Variants in SOHLH2 observed in about 807,000 individuals in gnomAD.
SOHLH2 encodes spermatogenesis and oogenesis specific basic helix-loop-helix 2.
Under a neutral mutation model 50.4 loss-of-function variants are expected in SOHLH2, and 22 were observed. The observed-to-expected ratio is 0.44, with a 90% CI of 0.31 to 0.62. The LOEUF (loss-of-function observed/expected upper bound fraction) is 0.62, where lower values mean the gene tolerates loss of function less well. SOHLH2 is among the 20% of genes least tolerant of loss of function. The probability of loss-of-function intolerance (pLI) is 0.08; values close to 1 mark genes in which losing one functional copy is unlikely to be tolerated. For synonymous variants in SOHLH2, 185 were observed against 187.3 expected (o/e 0.99, Z 0.10); for missense variants, 412 against 504.4 (o/e 0.82, Z 1.76).
At chr13:36,177,931 C>T (rs1389869995) in intron 6 of SOHLH2, among the ~76,000 whole-genome samples, 2 of 151,352 alleles carry the variant, frequency 1.3e-5, no homozygotes, top group African/African-American at 4.8e-5. Context: ...AATTTATTTA[C>T]TCTCTCTCTC....
intron 1 of SOHLH2, among the ~76,000 whole-genome samples, chr13:36,210,755 A>G (rs1869070364): frequency 6.6e-6 from 1 of 152,100 alleles, no homozygotes. Flanking sequence ...CTACCAACCT[A>G]CTTCAAACTT....
intron 6 of SOHLH2, among the ~76,000 whole-genome samples, chr13:36,185,842 C>T (rs1887401843): frequency 6.6e-6 from 1 of 152,062 alleles, no homozygotes; most frequent in Non-Finnish European, 1.5e-5. Flanking sequence ...GGAATTTAGT[C>T]CTATAATAAT....
intron 6 of SOHLH2, among the ~76,000 whole-genome samples, chr13:36,187,062 A>G (rs377236863): frequency 5.7e-4 from 87 of 152,256 alleles, no homozygotes; most frequent in African/African-American, 2.0e-3. Context: ...GCAAATCTCT[A>G]AAGAGAAAGG....
chr13:36,184,865 T>C (rs925045540), intron 6 of SOHLH2, among the ~76,000 whole-genome samples: 1 of 152,190 alleles, frequency 6.6e-6, no homozygotes, highest in African/African-American at 2.4e-5. Context: ...ACCCGTTATC[T>C]AGGTCTTTAA....
chr13:36,210,794 T>C (rs11842135), intron 1 of SOHLH2, among the ~76,000 whole-genome samples: 1,602 of 152,306 alleles, frequency 0.011, 36 homozygotes, highest in African/African-American at 0.037. Context: ...CAATACTCTA[T>C]ATTCCAAGAA....
At position 36,170,394 on chromosome 13, in the gene SOHLH2, T is replaced by C. The variant is rs536404943; in HGVS notation, c.1257+137A>G. The stretch of plus-strand genomic sequence containing the variant: ...GTTGACTGCACCTCCTTTTCACTCA[T>C]CAGGGTAGAGAGACTCAGAATCAAG... On this transcript the variant is annotated intron_variant, in intron 10 of 10. Transcript: ENST00000379881. 2.9e-5 allele frequency: 40 copies of C among 1,400,810 alleles called. No homozygotes were observed. In the East Asian group the frequency reaches 9.3e-4, roughly 33 times the overall value. The allele number at this position is 1,400,810 out of a possible 1,614,324, so 86.8% of individuals were successfully genotyped here.
At chr13:36,198,514 A>T (rs1055029996) in intron 2 of SOHLH2, among the ~76,000 whole-genome samples, 1 of 152,234 alleles carries the variant, frequency 6.6e-6, no homozygotes, top group Admixed American at 6.5e-5. Context: ...CTCAATAAAA[A>T]TATACTCTTT....
At chr13:36,203,954 G>GTTTTTTTTTTTTTTTTTTTTT (rs3080977) in intron 1 of SOHLH2, among the ~76,000 whole-genome samples, 1 of 111,128 alleles carries the variant, frequency 9.0e-6, no homozygotes, top group Non-Finnish European at 1.8e-5. Context: ...CTTTTTTTTT[G>GTTTTTTTTTTTTTTTTTTTTT]TTTTTTTTTT....
At chr13:36,175,601 T>C (rs1031653031) in intron 6 of SOHLH2, among the ~76,000 whole-genome samples, 1 of 152,240 alleles carries the variant, frequency 6.6e-6, no homozygotes, top group Non-Finnish European at 1.5e-5. Context: ...GCACCTGTTT[T>C]GTGCTGAATA....
chr13:36,175,015 C>T, intron 6 of SOHLH2, 146 bp from the exon 7 acceptor site: 3 of 1,243,162 alleles, frequency 2.4e-6, no homozygotes, highest in East Asian at 5.5e-5. Context: ...AGGCTGTGTC[C>T]CCACAAGCCA....
chr13:36,210,872 A>G (rs535487184), intron 1 of SOHLH2, among the ~76,000 whole-genome samples: 25 of 152,268 alleles, frequency 1.6e-4, no homozygotes, highest in African/African-American at 6.0e-4. Context: ...TTGGGGCCCT[A>G]CTAGTGTGTT....
intron 1 of SOHLH2, among the ~76,000 whole-genome samples, chr13:36,206,222 A>C (rs1868753754): frequency 6.6e-6 from 1 of 152,014 alleles, no homozygotes; most frequent in Non-Finnish European, 1.5e-5. Flanking sequence ...CTCATGTGGT[A>C]AGTGTGGATT....
chr13:36,184,561 G>A (rs925167927), intron 6 of SOHLH2, among the ~76,000 whole-genome samples: 3 of 148,496 alleles, frequency 2.0e-5, no homozygotes, highest in Non-Finnish European at 4.4e-5. Context: ...CCGGGTTCAC[G>A]CCATTCTCCT....
chr13:36,212,169 G>C (rs1869167287), intron 1 of SOHLH2, among the ~76,000 whole-genome samples: 1 of 152,150 alleles, frequency 6.6e-6, no homozygotes. Flanking sequence ...AAAGGGATGA[G>C]GAGAAACAAG....
chr13:36,214,307 C>CG (rs1350013612), intron 1 of SOHLH2, among the ~76,000 whole-genome samples, 172 bp downstream of exon 1: 1 of 151,968 alleles, frequency 6.6e-6, no homozygotes, highest in Admixed American at 6.5e-5. Flanking sequence ...CTCGGGGCGC[C>CG]GGGGGAGAGT....
intron 2 of SOHLH2, among the ~76,000 whole-genome samples, chr13:36,196,121 TA>T (rs1887718941): frequency 7.1e-6 from 1 of 141,252 alleles, no homozygotes; most frequent in Non-Finnish European, 1.5e-5. Flanking sequence ...GATAGATAGA[TA>T]GATAATTTTT....
intron 1 of SOHLH2, 144 bp from the exon 2 acceptor site, chr13:36,202,237 T>C (rs759930426): frequency 3.5e-4 from 349 of 1,001,396 alleles, no homozygotes; most frequent in Non-Finnish European, 4.8e-4. Flanking sequence ...GATGGTCAAC[T>C]ATAAGCAGCT....
At position 36,193,809 on chromosome 13, in the gene SOHLH2, T is replaced by C. The variant is rs1433681842; in HGVS notation, c.322A>G (p.Lys108Glu). 1 of 1,603,856 alleles carries C rather than the reference T, an allele frequency of 6.2e-7. No homozygotes were observed. Among genetic ancestry groups the C allele is most frequent in the Non-Finnish European group, 8.5e-7 (1 of 1,177,574 alleles). The change falls in exon 3 of 11, where the codon AAA becomes GAA. Residue 108 changes from lysine to glutamate, a missense_variant. Coordinates refer to ENST00000379881, the MANE Select transcript of SOHLH2 (RefSeq NM_017826.3). ...ACTATATTTAGCAGGTACATACCTT[T>C]AAAATTTTCAGGGATTATAAAAACA... ...LFVFIIPENF[K>E]GCISGHGMDI...
rs761330348 is a variant in SOHLH2 at position 36,174,499 on chromosome 13, G to C, written c.858C>G (p.Leu286=). The C allele has an allele frequency of 1.2e-6, 2 of 1,614,194 alleles. No individual in the cohort carries two copies. The highest frequency in any genetic ancestry group is 2.2e-5 in the South Asian group (2 of 91,074). Reference sequence around the variant, plus strand: ...ACCGCTGTGCCATGACAGTGCCTGGGAGAGACAGCTCAATGGGTGTTTGTT... The same window carrying C: ...ACCGCTGTGCCATGACAGTGCCTGGCAGAGACAGCTCAATGGGTGTTTGTT... ...KKQQTPIELS[L]PGTVMAQREN... is the part of the protein sequence containing the mutation. The change falls in exon 8 of 11, where the codon CTC becomes CTG. Residue 286 remains leucine (L), a synonymous_variant. Coordinates refer to ENST00000379881, the MANE Select transcript of SOHLH2 (RefSeq NM_017826.3).
Sources: allele counts gnomAD v4.1 joint callset (sites outside exome capture counted in the v4.1 genomes callset), GRCh38; gene constraint gnomAD v4.1.1; transcripts MANE v1.5; gene names NCBI Gene and HGNC (gene_info 2026-07-23, HGNC 2026-07-21).